TSHR: variants seen among roughly 807,000 people sequenced by gnomAD.
TSHR encodes thyroid stimulating hormone receptor, also known as thyrotropin receptor.
Under a neutral mutation model 64.1 loss-of-function variants are expected in TSHR, and 51 were observed. The ratio of observed to expected loss-of-function variants is 0.80; its 90% CI spans 0.64 to 1.01. The LOEUF (loss-of-function observed/expected upper bound fraction) is 1.01, where lower values mean the gene tolerates loss of function less well. Ranked by LOEUF, TSHR falls within the 50% of genes least tolerant of loss-of-function variation. The pLI, the probability that TSHR is intolerant of heterozygous loss-of-function variation, is 0.00. For missense variants in TSHR, 877 were observed against 942.8 expected (o/e 0.93, Z 0.91); for synonymous variants, 361 against 361.9 (o/e 1.00, Z 0.03).
intron 1 of TSHR, among the ~76,000 whole-genome samples, chr14:80,989,563 T>C (rs1888626005): frequency 6.6e-6 from 1 of 152,134 alleles, no homozygotes; most frequent in African/African-American, 2.4e-5. Context: ...CTTTTCTTTC[T>C]GCTTGAAATT....
At chr14:81,072,907 G>A (rs1428162437) in intron 3 of TSHR, among the ~76,000 whole-genome samples, 4 of 135,972 alleles carry the variant, frequency 2.9e-5, no homozygotes, top group Non-Finnish European at 1.5e-5. Context: ...TGAGGCAGGA[G>A]AATGGCGTGA....
At chr14:81,041,048 C>T (rs1884895418) in intron 1 of TSHR, among the ~76,000 whole-genome samples, 1 of 152,062 alleles carries the variant, frequency 6.6e-6, no homozygotes, top group African/African-American at 2.4e-5. Context: ...AAAAGGAATG[C>T]TTTTACACTG....
rs199943510 is a variant in TSHR, at chr14:81,003,161, T to C, written c.170+47311T>C. Among the ~76,000 whole-genome samples, 3 of 152,234 alleles carry C rather than the reference T, an allele frequency of 2.0e-5. No individual in the cohort carries two copies. The East Asian group carries it at 5.8e-4, about 29-fold the overall frequency. On this transcript the variant is annotated intron_variant, in intron 1 of 9. Transcript: ENST00000298171. Reference sequence around the variant, plus strand: ...CTGTTATTTCTGCAACATATAATATTTCTGTGACAAATAGACTCAGTTCTC... The same window carrying C: ...CTGTTATTTCTGCAACATATAATATCTCTGTGACAAATAGACTCAGTTCTC...
intron 1 of TSHR, among the ~76,000 whole-genome samples, chr14:81,038,610 T>G (rs1262753386): frequency 6.6e-6 from 1 of 150,866 alleles, no homozygotes; most frequent in Non-Finnish European, 1.5e-5. Context: ...AAAAAAGAGA[T>G]AATACACAGA....
At chr14:81,004,084 T>C (rs893778829) in intron 1 of TSHR, among the ~76,000 whole-genome samples, 3 of 152,194 alleles carry the variant, frequency 2.0e-5, no homozygotes, top group African/African-American at 7.2e-5. Flanking sequence ...TTTATTTCAT[T>C]TCACTTTTCT....
intron 8 of TSHR, among the ~76,000 whole-genome samples, chr14:81,112,947 G>A (rs1487495626): frequency 3.3e-5 from 5 of 152,158 alleles, no homozygotes; most frequent in Non-Finnish European, 5.9e-5. Context: ...GGGTTGAGGA[G>A]CAACTTGCAG....
At chr14:81,031,002 A>T (rs907049759) in intron 1 of TSHR, among the ~76,000 whole-genome samples, 3 of 152,168 alleles carry the variant, frequency 2.0e-5, no homozygotes, top group African/African-American at 7.2e-5. Flanking sequence ...CTCTCTGTAA[A>T]AGCTGCGGTA....
intron 1 of TSHR, among the ~76,000 whole-genome samples, chr14:81,017,452 A>G (rs1883474975): frequency 6.6e-6 from 1 of 152,072 alleles, no homozygotes; most frequent in Non-Finnish European, 1.5e-5. Context: ...GAAAAACTTG[A>G]CCCACTTCAT....
chr14:81,007,481 G>A (rs1889662799), intron 1 of TSHR, among the ~76,000 whole-genome samples: 1 of 152,244 alleles, frequency 6.6e-6, no homozygotes. Context: ...CTCATTAATA[G>A]ACTGGGGTTA....
At chr14:81,100,608 T>C (rs532676232) in intron 7 of TSHR, among the ~76,000 whole-genome samples, 7 of 152,256 alleles carry the variant, frequency 4.6e-5, no homozygotes, top group Non-Finnish European at 1.0e-4. Flanking sequence ...TTGTGTCCTA[T>C]GCTTCTGACT....
chr14:80,970,800 T>G (rs936558326), intron 1 of TSHR, among the ~76,000 whole-genome samples: 2 of 152,220 alleles, frequency 1.3e-5, no homozygotes, highest in South Asian at 2.1e-4. Flanking sequence ...AAGATACAAC[T>G]GTATGTCCTA....
intron 1 of TSHR, among the ~76,000 whole-genome samples, chr14:81,016,223 C>A (rs1164052122): frequency 2.0e-5 from 3 of 152,100 alleles, no homozygotes; most frequent in Non-Finnish European, 4.4e-5. Context: ...GTGGCTGTAC[C>A]AATTTGCAAT....
chr14:80,958,557 G>A (rs1886836309), intron 1 of TSHR, among the ~76,000 whole-genome samples: 2 of 152,138 alleles, frequency 1.3e-5, no homozygotes, highest in Admixed American at 6.6e-5. Context: ...CAGGAGGTTA[G>A]CAGGGAAAGG....
intron 1 of TSHR, among the ~76,000 whole-genome samples, chr14:81,016,593 C>T (rs1398266998): frequency 6.6e-6 from 1 of 152,114 alleles, no homozygotes; most frequent in African/African-American, 2.4e-5. Context: ...TGTTGTTTCC[C>T]TTGCTATGCA....
chr14:80,996,770 C>T (rs1214556134), intron 1 of TSHR, among the ~76,000 whole-genome samples: 1 of 152,116 alleles, frequency 6.6e-6, no homozygotes. Flanking sequence ...AGCCCGTGGA[C>T]TGAGGTGGGT....
rs190711078 is a variant in TSHR at position 81,145,307 on chromosome 14, G to C, written c.*954G>C. The C allele has an allele frequency of 8.1e-4, 188 of 233,120 alleles. No individual in the cohort carries two copies. Among genetic ancestry groups the C allele is most frequent in the African/African-American group, 3.9e-3 (179 of 45,446 alleles). 14.4% of individuals were successfully genotyped at this position (233,120 alleles called of 1,614,324 possible). ...ATATTTCTAAGATAAAGAGAAAGAA[G>C]AGCACTAAGTAAGTAGAATCTGTTT... On this transcript the variant is annotated 3_prime_UTR_variant, in exon 10 of 10. Transcript: ENST00000298171.
intron 7 of TSHR, among the ~76,000 whole-genome samples, chr14:81,106,679 T>C (rs1889914197): frequency 6.6e-6 from 1 of 152,078 alleles, no homozygotes; most frequent in African/African-American, 2.4e-5. Context: ...GCACGGTGGC[T>C]CATGCCTGTA....
intron 8 of TSHR, among the ~76,000 whole-genome samples, chr14:81,129,381 G>A (rs912457530): frequency 2.0e-5 from 3 of 152,056 alleles, no homozygotes; most frequent in Non-Finnish European, 2.9e-5. Flanking sequence ...ACTTGTATAC[G>A]CAGCCAACTA....
intron 1 of TSHR, among the ~76,000 whole-genome samples, chr14:81,015,402 C>A (rs1890130562): frequency 6.6e-6 from 1 of 152,022 alleles, no homozygotes; most frequent in African/African-American, 2.4e-5. Context: ...TCAAGACGGG[C>A]AAGAGTTTTG....
Sources: allele counts gnomAD v4.1 joint callset (sites outside exome capture counted in the v4.1 genomes callset), GRCh38; gene constraint gnomAD v4.1.1; transcripts MANE v1.5; gene names NCBI Gene and HGNC (gene_info 2026-07-23, HGNC 2026-07-21).